Variants in TMEM74 observed in about 807,000 individuals in gnomAD.
TMEM74 encodes the protein transmembrane protein 74.
A neutral mutation model predicts 18.1 loss-of-function variants in TMEM74; 13 were observed. The ratio of observed to expected loss-of-function variants is 0.72; its 90% CI spans 0.47 to 1.14. The LOEUF (loss-of-function observed/expected upper bound fraction) is 1.14. Ranked by LOEUF, TMEM74 falls within the 50% of genes most tolerant of loss-of-function variation. TMEM74 has a pLI of 0.00. For missense variants in TMEM74, 372 were observed against 375.9 expected (o/e 0.99, Z 0.09); for synonymous variants, 159 against 146.6 (o/e 1.08, Z -0.61).
At chr8:108,739,945 C>A (rs927413556) in intron 1 of TMEM74, among the ~76,000 whole-genome samples, 1 of 152,086 alleles carries the variant, frequency 6.6e-6, no homozygotes. Flanking sequence ...GCTGTGAAGG[C>A]CCCGAGCTCT....
chr8:108,756,588 GAA>G lies in TMEM74; in HGVS notation n.119+30886_119+30887del, dbSNP rs869303964. ...AGAAAGAAAGAAAGAAAGAAAGAAA[GAA>G]AGAAAGAGAAAGGAAGGAAGGAAGG... On this transcript the variant is annotated intron_variant and non_coding_transcript_variant, in intron 1 of 3. Coordinates refer to the TMEM74 transcript ENST00000518838. Among the ~76,000 whole-genome samples, 168 of 103,638 alleles carry G rather than the reference GAA, an allele frequency of 1.6e-3. 2 individuals carry two copies. Among genetic ancestry groups the G allele is most frequent in the South Asian group, 3.1e-3 (10 of 3,222 alleles). The allele number at this position is 103,638 out of a possible 152,430, so 68.0% of individuals were successfully genotyped here.
At chr8:108,767,056 A>G (rs1586290732) in intron 1 of TMEM74, among the ~76,000 whole-genome samples, 1 of 152,270 alleles carries the variant, frequency 6.6e-6, no homozygotes, top group East Asian at 1.9e-4. Flanking sequence ...CACTGACTCA[A>G]ATGTTAATCT....
chr8:108,720,746 ATTTAT>A lies in TMEM74; in HGVS notation n.120-65314_120-65310del, dbSNP rs756522092. On this transcript the variant is annotated intron_variant and non_coding_transcript_variant, in intron 1 of 3. Coordinates refer to the TMEM74 transcript ENST00000518838. ...GATATAACTATTTATTTATTTATTT[ATTTAT>A]TTATTAGTTTGTTTGTTTGTTTGTT... Among the ~76,000 whole-genome samples the A allele has an allele frequency of 3.6e-5, 5 of 139,014 alleles. 1 individual carries two copies. The highest frequency in any genetic ancestry group is 4.5e-4 in the South Asian group (2 of 4,484). The allele number at this position is 139,014 out of a possible 152,430, so 91.2% of individuals were successfully genotyped here.
At chr8:108,727,767 A>C (rs1813653788) in intron 1 of TMEM74, among the ~76,000 whole-genome samples, 1 of 152,166 alleles carries the variant, frequency 6.6e-6, no homozygotes, top group Non-Finnish European at 1.5e-5. Flanking sequence ...GTCCATAGAA[A>C]TAGAAATGGA....
intron 1 of TMEM74, among the ~76,000 whole-genome samples, chr8:108,697,632 G>T (rs897951212): frequency 1.3e-5 from 2 of 152,042 alleles, no homozygotes; most frequent in Non-Finnish European, 2.9e-5. Context: ...GTCCAGGCTG[G>T]TCTCATACAC....
intron 1 of TMEM74, among the ~76,000 whole-genome samples, chr8:108,665,913 A>G (rs532341786): frequency 1.3e-5 from 2 of 152,198 alleles, no homozygotes; most frequent in East Asian, 3.8e-4. Context: ...TATGAAAGAC[A>G]GGGGTAATGC....
chr8:108,718,974 A>ATATATACG (rs11281406), intron 1 of TMEM74, among the ~76,000 whole-genome samples: 41,508 of 148,996 alleles, frequency 0.28, 6,473 homozygotes, highest in Middle Eastern at 0.36. Context: ...GTGTGTGTAT[A>ATATATACG]TATATATACG....
chr8:108,614,962 C>A (rs1307578801), intron 2 of TMEM74, among the ~76,000 whole-genome samples: 2 of 152,036 alleles, frequency 1.3e-5, no homozygotes, highest in African/African-American at 4.8e-5. Flanking sequence ...GAGACCTGCA[C>A]CATACTAATA....
intron 2 of TMEM74, among the ~76,000 whole-genome samples, chr8:108,637,038 G>A (rs150071881): frequency 1.2e-4 from 19 of 152,166 alleles, no homozygotes; most frequent in African/African-American, 4.3e-4. Flanking sequence ...TTAAAATATA[G>A]ATAGGATTAG....
intron 1 of TMEM74, among the ~76,000 whole-genome samples, chr8:108,694,614 CAGAA>C (rs1179190937): frequency 6.6e-6 from 1 of 152,158 alleles, no homozygotes. Flanking sequence ...GTTCCTGACA[CAGAA>C]AGAGAAGGCT....
chr8:108,727,419 C>CA (rs1281607317), intron 1 of TMEM74, among the ~76,000 whole-genome samples: 1 of 151,998 alleles, frequency 6.6e-6, no homozygotes, highest in Non-Finnish European at 1.5e-5. Flanking sequence ...GACATAGAGT[C>CA]AAGAGAACTT....
At position 108,782,173 on chromosome 8, in the gene TMEM74, T is replaced by G. The variant is rs1814315314; in HGVS notation, c.*2008A>C. Reference sequence around the variant, plus strand: ...TTGTTTCAACATCATCCAAAGTGGATCCTTAAGCAGGCTAGAGCTGGACTT... The same window carrying G: ...TTGTTTCAACATCATCCAAAGTGGAGCCTTAAGCAGGCTAGAGCTGGACTT... On this transcript the variant is annotated 3_prime_UTR_variant, in exon 2 of 2. Transcript: ENST00000297459. Among the ~76,000 whole-genome samples, 1 of 152,164 alleles carries G rather than the reference T, an allele frequency of 6.6e-6. No individual in the cohort carries two copies. Among genetic ancestry groups the G allele is most frequent in the Admixed American group, 6.6e-5 (1 of 15,264 alleles).
At chr8:108,705,205 C>T (rs113487876) in intron 1 of TMEM74, among the ~76,000 whole-genome samples, 4,536 of 152,088 alleles carry the variant, frequency 0.03, 128 homozygotes, top group African/African-American at 0.067. Context: ...TATAGGGTGT[C>T]TAATAAAGAA....
At chr8:108,699,842 T>C (rs1813318112) in intron 1 of TMEM74, among the ~76,000 whole-genome samples, 1 of 152,168 alleles carries the variant, frequency 6.6e-6, no homozygotes, top group African/African-American at 2.4e-5. Context: ...CAGTTCTCTA[T>C]ATAGCTTATT....
At chr8:108,610,772 G>A (rs192939317) in intron 2 of TMEM74, among the ~76,000 whole-genome samples, 1 of 152,264 alleles carries the variant, frequency 6.6e-6, no homozygotes, top group African/African-American at 2.4e-5. Context: ...AAACAGGAGG[G>A]GGCTTAAAGG....
intron 1 of TMEM74, among the ~76,000 whole-genome samples, chr8:108,697,647 C>T (rs1478957920): frequency 6.6e-6 from 1 of 152,238 alleles, no homozygotes; most frequent in African/African-American, 2.4e-5. Flanking sequence ...ATACACCTGG[C>T]CTCAAGAGAT....
At chr8:108,713,456 A>G (rs1001284185) in intron 1 of TMEM74, among the ~76,000 whole-genome samples, 3 of 152,236 alleles carry the variant, frequency 2.0e-5, no homozygotes, top group Non-Finnish European at 4.4e-5. Context: ...CATTCATTCA[A>G]TACATATTTT....
At chr8:108,744,561 C>T (rs576829687) in intron 1 of TMEM74, among the ~76,000 whole-genome samples, 1 of 152,224 alleles carries the variant, frequency 6.6e-6, no homozygotes, top group African/African-American at 2.4e-5. Context: ...AGTAAATCTA[C>T]ATTTTACGTA....
At chr8:108,759,218 T>A (rs1814011903) in intron 1 of TMEM74, among the ~76,000 whole-genome samples, 1 of 152,076 alleles carries the variant, frequency 6.6e-6, no homozygotes, top group African/African-American at 2.4e-5. Flanking sequence ...TGTTTATTTT[T>A]TAAAAAACAC....
Sources: allele counts gnomAD v4.1 joint callset (sites outside exome capture counted in the v4.1 genomes callset), GRCh38; gene constraint gnomAD v4.1.1; transcripts MANE v1.5; gene names NCBI Gene and HGNC (gene_info 2026-07-23, HGNC 2026-07-21).